The following DNMBP variants were observed in gnomAD, a reference collection of about 807,000 sequenced individuals.
The protein encoded by DNMBP is dynamin binding protein.
DNMBP carries 87 observed loss-of-function variants against 150.0 expected under a neutral mutation model. That is an observed-to-expected ratio of 0.58 (90% CI 0.49 to 0.69). DNMBP has a LOEUF of 0.69. Among genes scored for constraint, DNMBP ranks in the 30% least tolerant of loss-of-function variants. The pLI, the probability that DNMBP is intolerant of heterozygous loss-of-function variation, is 0.00. For missense variants in DNMBP, 1,774 were observed against 1,949.0 expected, an observed-to-expected ratio of 0.91 and a Z score of 1.69; for synonymous variants, 711 against 750.4, an observed-to-expected ratio of 0.95 and a Z score of 0.86.
chr10:99,933,249 T>C lies in DNMBP; in HGVS notation c.2260+21965A>G, dbSNP rs1377279544. 2.0e-5 allele frequency among the ~76,000 whole-genome samples: 3 copies of C among 151,198 alleles called. 1 individual carries two copies. The South Asian group carries it at 6.3e-4, about 32-fold the overall frequency. ...AGGTCAAGGCTACAATGAGCAGTGA[T>C]TGAGCCACTGCCCTCCAGCCTGGGT... On this transcript the variant is annotated intron_variant, in intron 4 of 16. Transcript: ENST00000324109.
Position 99,956,172 on chromosome 10 carries a change from TCC to T in DNMBP, c.1300_1301del (p.Gly434ArgfsTer20), listed in dbSNP as rs1339361681. ...ACTGTTCTGAGTGCGGGTGGCTCCC[TCC>T]CACTGTAGAATAATACTGGCTTTTC... is the stretch of plus-strand genomic sequence containing the variant. ...LQKSQYYSTV[G>X]GSHPHSEQYP... On this transcript the variant is annotated frameshift_variant, in exon 4 of 17. Transcript: ENST00000324109. LOFTEE classifies it high-confidence loss of function. The T allele has an allele frequency of 6.2e-7, 1 of 1,613,964 alleles. No homozygotes were observed. Among genetic ancestry groups the T allele is most frequent in the Non-Finnish European group, 8.5e-7 (1 of 1,180,018 alleles).
chr10:99,900,398 G>A (rs981968530), intron 6 of DNMBP, among the ~76,000 whole-genome samples: 3 of 150,980 alleles, frequency 2.0e-5, no homozygotes, highest in African/African-American at 7.3e-5. Flanking sequence ...CCTAGTAGCT[G>A]GGACCACGTG....
At chr10:99,918,842 C>T (rs559763501) in intron 4 of DNMBP, among the ~76,000 whole-genome samples, 1 of 152,294 alleles carries the variant, frequency 6.6e-6, no homozygotes, top group East Asian at 1.9e-4. Flanking sequence ...TCTGAACACT[C>T]ACCAAATACA....
chr10:99,997,255 T>C (rs1412411425), intron 1 of DNMBP, among the ~76,000 whole-genome samples: 1 of 152,222 alleles, frequency 6.6e-6, no homozygotes, highest in Admixed American at 6.5e-5. Flanking sequence ...ACCAGGGTAC[T>C]TATTCTCTTA....
chr10:99,880,541 G>A (rs1329734316), intron 15 of DNMBP, among the ~76,000 whole-genome samples, 180 bp from the exon 16 acceptor site: 3 of 152,158 alleles, frequency 2.0e-5, no homozygotes, highest in Non-Finnish European at 4.4e-5. Context: ...GTGACAAAGC[G>A]GCTTGGAACA....
In DNMBP at chr10:99,886,319, T is replaced by C; in HGVS notation, c.3599A>G (p.Gln1200Arg). Residue 1200 changes from glutamine to arginine, a missense_variant, in exon 13 of 17, where the codon CAA (glutamine) becomes CGA (arginine). Around this residue, in one of 2 missense-constraint regions of DNMBP, gnomAD observed 1,430 missense variants for 1,492.5 expected, o/e 0.96. Coordinates refer to ENST00000324109, the MANE Select transcript of DNMBP (RefSeq NM_015221.4). Reference sequence around the variant, plus strand: ...ACTCACCGAAAGCAGTGGCTTTAATTGCTCCAGAGCCTGGTGCACAAAGTC... The same window carrying C: ...ACTCACCGAAAGCAGTGGCTTTAATCGCTCCAGAGCCTGGTGCACAAAGTC... Reference protein sequence around the residue: ...HCDFVHQALEQLKPLLSLLKV... With the variant: ...HCDFVHQALERLKPLLSLLKV... The C allele has an allele frequency of 6.2e-7, 1 of 1,612,486 alleles. No homozygotes were observed. The highest frequency in any genetic ancestry group is 8.5e-7 in the Non-Finnish European group (1 of 1,178,588).
intron 4 of DNMBP, among the ~76,000 whole-genome samples, chr10:99,922,585 T>C (rs994410611): frequency 2.3e-5 from 3 of 129,616 alleles, no homozygotes; most frequent in African/African-American, 8.8e-5. Flanking sequence ...GGTGCAATCA[T>C]AGCTCACTGC....
chr10:100,004,256 T>A (rs7915731), intron 1 of DNMBP, among the ~76,000 whole-genome samples: 55,530 of 149,490 alleles, frequency 0.37, 10,419 homozygotes, highest in African/African-American at 0.4. Flanking sequence ...AAAGAAAAAA[T>A]ATATATATAT....
chr10:99,991,767 G>T (rs12242826), intron 1 of DNMBP, among the ~76,000 whole-genome samples: 1 of 151,628 alleles, frequency 6.6e-6, no homozygotes, highest in African/African-American at 2.4e-5. Flanking sequence ...TTAGCCAGGC[G>T]TGGTGGCAGG....
chr10:99,935,087 C>CAAAAAAAAAAAAAA (rs71009790), intron 4 of DNMBP, among the ~76,000 whole-genome samples: 3 of 48,542 alleles, frequency 6.2e-5, no homozygotes, highest in African/African-American at 2.1e-4. Context: ...CCTGTCTCCA[C>CAAAAAAAAAAAAAA]AAAAAAAAAA....
chr10:99,908,937 G>C lies in DNMBP; in HGVS notation c.2454+16C>G, dbSNP rs764334274. 22 of 1,606,794 alleles carry C rather than the reference G, an allele frequency of 1.4e-5. 1 individual carries two copies. In the South Asian group the frequency reaches 2.3e-4, roughly 17 times the overall value. On this transcript the variant is annotated intron_variant, in intron 5 of 16. Coordinates refer to ENST00000324109, the MANE Select transcript of DNMBP (RefSeq NM_015221.4). The stretch of plus-strand genomic sequence containing the variant: ...CCATATTCAAGGTCAAACTAACTCT[G>C]TCTCCCAGTTCCCACCTGTGCCTGC...
At chr10:100,009,713 C>G (rs1006927621) in intron 1 of DNMBP, 125 bp downstream of exon 1, 6 of 151,344 alleles carry the variant, frequency 4.0e-5, no homozygotes, top group African/African-American at 1.5e-4. Flanking sequence ...CCGATACAGG[C>G]CTAGCCGCGC....
intron 4 of DNMBP, among the ~76,000 whole-genome samples, chr10:99,923,090 C>G (rs2040041330): frequency 6.6e-6 from 1 of 152,024 alleles, no homozygotes; most frequent in South Asian, 2.1e-4. Context: ...CCTGTCTCTA[C>G]TAAAAATACA....
chr10:99,996,328 C>G (rs1300738095), intron 1 of DNMBP, among the ~76,000 whole-genome samples: 1 of 152,086 alleles, frequency 6.6e-6, no homozygotes, highest in East Asian at 1.9e-4. Flanking sequence ...TGAGACCAGC[C>G]TGGCCAAAAT....
At position 99,956,302 on chromosome 10, in the gene DNMBP, T is replaced by A. The variant is rs2040494974; in HGVS notation, c.1172A>T (p.Glu391Val). The A allele has an allele frequency of 5.0e-6, 8 of 1,613,406 alleles. No homozygotes were observed. The East Asian group carries it at 1.8e-4, about 36-fold the overall frequency. ...AGGPPRSPGV[E>V]WEMPLATDSP... ...GTCTGTGGCAAGAGGCATTTCCCAC[T>A]CCACGCCTGGGCTTCTCGGGGGCCC... is the stretch of plus-strand genomic sequence containing the variant. The change falls in exon 4 of 17, where the codon GAG becomes GTG. Residue 391 changes from glutamate (E) to valine (V), a missense_variant. By Grantham distance (121) the Glu-to-Val change is moderately radical. Coordinates refer to ENST00000324109, the MANE Select transcript of DNMBP (RefSeq NM_015221.4).
intron 1 of DNMBP, among the ~76,000 whole-genome samples, chr10:99,985,803 T>G (rs7904171): frequency 0.066 from 10,010 of 152,206 alleles, 458 homozygotes; most frequent in African/African-American, 0.13. Context: ...AAGTCTGGAG[T>G]GCAGTGACGC....
At chr10:99,971,073 C>A (rs748831888) in intron 2 of DNMBP, among the ~76,000 whole-genome samples, 1 of 140,906 alleles carries the variant, frequency 7.1e-6, no homozygotes, top group Admixed American at 7.2e-5. Flanking sequence ...TAGCACTGAA[C>A]ACAAAGGATA....
In DNMBP at chr10:99,877,105, G is replaced by GTATCATTAAAAAA. The variant is rs2039286258; in HGVS notation, c.*45_*46insTTTTTTAATGATA. The GTATCATTAAAAAA allele has an allele frequency of 5.5e-6, 8 of 1,460,906 alleles. No individual in the cohort carries two copies. Among genetic ancestry groups the GTATCATTAAAAAA allele is most frequent in the Admixed American group, 4.3e-5 (2 of 45,998 alleles). 90.5% of individuals were successfully genotyped at this position (1,460,906 alleles called of 1,614,324 possible). ...TCGGTGGGCCGCCAGAACCCTCGGC[G>GTATCATTAAAAAA]GACTGAAAGCAAAGGCAGCAAGGCT... On this transcript the variant is annotated 3_prime_UTR_variant, in exon 17 of 17. Transcript: ENST00000324109.
At chr10:99,914,111 C>G (rs534991670) in intron 4 of DNMBP, 6 of 1,361,674 alleles carry the variant, frequency 4.4e-6, no homozygotes, top group Non-Finnish European at 5.7e-6. Flanking sequence ...ATATGAATCG[C>G]GCAAGTCACC....
Sources: gnomAD v4.1 joint callset for allele counts (sites outside exome capture counted in the v4.1 genomes callset) on GRCh38, gnomAD v4.1.1 for gene constraint, gnomAD v4.1.1 regional missense constraint, MANE v1.5 for transcripts, NCBI Gene and HGNC (gene_info 2026-07-23, HGNC 2026-07-21) for gene names.